CHN1: variants seen among roughly 807,000 people sequenced by gnomAD.
CHN1 encodes the protein N-chimaerin.
Under a neutral mutation model 59.5 loss-of-function variants are expected in CHN1, and 37 were observed. That is an observed-to-expected ratio of 0.62 (90% CI 0.48 to 0.82). CHN1 has a LOEUF of 0.82. Among genes scored for constraint, CHN1 ranks in the 40% least tolerant of loss-of-function variants. The pLI is 0.00. For missense variants in CHN1, 469 were observed against 571.0 expected, an observed-to-expected ratio of 0.82 and a Z score of 1.82; for synonymous variants, 206 against 200.4, an observed-to-expected ratio of 1.03 and a Z score of -0.24.
chr2:174,918,092 A>G (rs144051410), intron 4 of CHN1, among the ~76,000 whole-genome samples: 1 of 152,238 alleles, frequency 6.6e-6, no homozygotes, highest in East Asian at 1.9e-4. Flanking sequence ...GTTTCTGAGT[A>G]GCATGAATTA....
chr2:174,874,115 T>A (rs1687488195), intron 6 of CHN1, among the ~76,000 whole-genome samples: 1 of 152,230 alleles, frequency 6.6e-6, no homozygotes, highest in African/African-American at 2.4e-5. Flanking sequence ...TTCGAAAGTA[T>A]GGTTTGGGGA....
intron 10 of CHN1, 23 bp from the exon 11 acceptor site, chr2:174,809,065 TAAAAG>T: frequency 6.3e-7 from 1 of 1,586,548 alleles, no homozygotes; most frequent in Non-Finnish European, 8.6e-7. Flanking sequence ...TTGAAAGAAA[TAAAAG>T]TAAATATCTG....
intron 10 of CHN1, among the ~76,000 whole-genome samples, chr2:174,809,578 T>C (rs866911304): frequency 2.0e-5 from 3 of 152,236 alleles, no homozygotes; most frequent in Non-Finnish European, 4.4e-5. Context: ...GTTATTAAAC[T>C]GGTTCTTTTA....
chr2:174,951,210 G>A (rs895154696), intron 2 of CHN1, among the ~76,000 whole-genome samples: 2 of 152,198 alleles, frequency 1.3e-5, no homozygotes, highest in Admixed American at 6.5e-5. Context: ...GGCACTAGCA[G>A]CGTTGAGGGG....
At position 174,846,404 on chromosome 2, in the gene CHN1, G is replaced by GGTCAATT. The variant is rs773115143; in HGVS notation, c.627+469_627+475dup. 91 of 1,544,282 alleles carry GGTCAATT rather than the reference G, an allele frequency of 5.9e-5. No individual in the cohort carries two copies. The African/African-American group carries it at 1.1e-3, about 19-fold the overall frequency. On this transcript the variant is annotated intron_variant, in intron 7 of 12. Coordinates refer to ENST00000409900, the MANE Select transcript of CHN1 (RefSeq NM_001822.7). ...ATGGTAGCCATCCTCCTTTCATCAT[G>GGTCAATT]GTCAATTCATTAACAGGGGAGAAAA...
At chr2:174,902,884 C>T (rs1267477574) in intron 5 of CHN1, among the ~76,000 whole-genome samples, 1 of 152,180 alleles carries the variant, frequency 6.6e-6, no homozygotes, top group African/African-American at 2.4e-5. Context: ...TTTGGCCAAG[C>T]TCACTTTATA....
chr2:174,939,581 C>T (rs1473014171), intron 3 of CHN1, among the ~76,000 whole-genome samples: 1 of 152,126 alleles, frequency 6.6e-6, no homozygotes, highest in East Asian at 1.9e-4. Context: ...AATAGTCTTA[C>T]TAATAAATAC....
At chr2:174,814,581 T>C (rs1685179695) in intron 8 of CHN1, among the ~76,000 whole-genome samples, 1 of 152,234 alleles carries the variant, frequency 6.6e-6, no homozygotes, top group Admixed American at 6.5e-5. Flanking sequence ...ATGGGAACAA[T>C]AATAGTGTTT....
intron 4 of CHN1, among the ~76,000 whole-genome samples, chr2:174,915,528 C>A (rs1162536661): frequency 1.1e-4 from 15 of 138,088 alleles, no homozygotes; most frequent in Non-Finnish European, 1.4e-4. Context: ...AAAAAAAAAA[C>A]GCAGAAAATG....
chr2:174,835,616 T>A (rs1686049923), intron 7 of CHN1, among the ~76,000 whole-genome samples: 2 of 151,938 alleles, frequency 1.3e-5, no homozygotes, highest in African/African-American at 4.8e-5. Flanking sequence ...TCTTGGATAT[T>A]TTGTATTGTA....
chr2:174,996,848 C>T (rs896509158), intron 1 of CHN1, among the ~76,000 whole-genome samples: 3 of 152,164 alleles, frequency 2.0e-5, no homozygotes, highest in African/African-American at 7.2e-5. Context: ...CACATCCTTG[C>T]TTCAAAGCCT....
chr2:174,829,387 CTG>C (rs1205483090), intron 7 of CHN1, among the ~76,000 whole-genome samples: 1 of 152,226 alleles, frequency 6.6e-6, no homozygotes, highest in Non-Finnish European at 1.5e-5. Context: ...TAGATAAAAA[CTG>C]AAGTCATTCT....
intron 1 of CHN1, among the ~76,000 whole-genome samples, chr2:174,991,462 T>A (rs1407473465): frequency 6.6e-6 from 1 of 152,358 alleles, no homozygotes; most frequent in East Asian, 1.9e-4. Flanking sequence ...TCCCTTCTCC[T>A]CTGGTTTGAA....
chr2:174,860,768 A>G (rs1430640583), intron 6 of CHN1, among the ~76,000 whole-genome samples: 2 of 152,174 alleles, frequency 1.3e-5, no homozygotes, highest in Non-Finnish European at 2.9e-5. Context: ...CGTGAAATCT[A>G]TGACCATGCC....
intron 1 of CHN1, among the ~76,000 whole-genome samples, chr2:174,979,421 A>T (rs1367841734): frequency 6.6e-6 from 1 of 152,186 alleles, no homozygotes; most frequent in East Asian, 1.9e-4. Context: ...TTAAGCCAGA[A>T]TCTCAGTCCT....
chr2:174,966,425 T>C (rs1279023305), intron 1 of CHN1, among the ~76,000 whole-genome samples: 3 of 151,906 alleles, frequency 2.0e-5, no homozygotes, highest in African/African-American at 7.3e-5. Flanking sequence ...ATTTTGTAAA[T>C]GCAGTGCTCA....
At chr2:174,991,246 C>T (rs1691539405) in intron 1 of CHN1, among the ~76,000 whole-genome samples, 1 of 152,192 alleles carries the variant, frequency 6.6e-6, no homozygotes, top group Admixed American at 6.5e-5. Flanking sequence ...TTCCCTTCAC[C>T]AATTCCTTGC....
chr2:174,902,440 C>T (rs947940190), intron 5 of CHN1, among the ~76,000 whole-genome samples: 13 of 151,926 alleles, frequency 8.6e-5, no homozygotes, highest in Admixed American at 6.6e-5. Context: ...ATAAATTGTG[C>T]TATCCCCTTC....
At chr2:174,815,589 C>CTTTTTTTTTTT (rs5836474) in intron 8 of CHN1, among the ~76,000 whole-genome samples, 1 of 127,568 alleles carries the variant, frequency 7.8e-6, no homozygotes. Flanking sequence ...CGGATATTTC[C>CTTTTTTTTTTT]TTTTTTTTTT....
Sources: allele counts gnomAD v4.1 joint callset (sites outside exome capture counted in the v4.1 genomes callset), GRCh38; gene constraint gnomAD v4.1.1; transcripts MANE v1.5; gene names NCBI Gene and HGNC (gene_info 2026-07-23, HGNC 2026-07-21).